Variants in NOTCH1 observed in about 807,000 individuals in gnomAD.
The protein encoded by NOTCH1 is neurogenic locus notch homolog protein 1.
Under a neutral mutation model 254.8 loss-of-function variants are expected in NOTCH1, and 37 were observed. The ratio of observed to expected loss-of-function variants is 0.15; its 90% CI spans 0.11 to 0.19. The LOEUF (loss-of-function observed/expected upper bound fraction) is 0.19, where lower values mean the gene tolerates loss of function less well. NOTCH1 is among the 10% of genes least tolerant of loss of function. The pLI is 1.00. For synonymous variants in NOTCH1, 1,731 were observed against 1,618.1 expected (o/e 1.07, Z -1.68); for missense variants, 2,972 against 3,708.6 (o/e 0.80, Z 5.16).
chr9:136,509,607 A>G (rs1044862355), intron 18 of NOTCH1, 126 bp downstream of exon 18: 1 of 808,844 alleles, frequency 1.2e-6, no homozygotes, highest in Non-Finnish European at 2.1e-6. Context: ...GTCTGGACTC[A>G]ATGCAGCCAG....
rs1843082260 is a variant in NOTCH1 at position 136,506,224 on chromosome 9, G to A, written c.4014+303C>T. On this transcript the variant is annotated intron_variant, in intron 24 of 33. Transcript: ENST00000651671. This position sits in a 1 kb window ranked among gnomAD's most constrained non-coding sequence, Gnocchi z 4.5. Reference sequence around the variant, plus strand: ...AAGGGCAAGCCCCAGGTACAGGAAGGGCTGCTGTTGGTAACAATGTATCAC... The same window carrying A: ...AAGGGCAAGCCCCAGGTACAGGAAGAGCTGCTGTTGGTAACAATGTATCAC... Among the ~76,000 whole-genome samples the A allele has an allele frequency of 6.6e-6, 1 of 152,112 alleles. No homozygotes were observed. The highest frequency in any genetic ancestry group is 1.9e-4 in the East Asian group (1 of 5,190).
rs1238379574 is a variant in NOTCH1 at position 136,523,892 on chromosome 9, C to G, written c.228G>C (p.Val76=). Residue 76 remains valine (V), a synonymous_variant, in exon 3 of 34, where the codon GTG becomes GTC. Coordinates refer to ENST00000651671, the MANE Select transcript of NOTCH1 (RefSeq NM_017617.5). ...TPCKNAGTCH[V]VDRRGVADYA... is the part of the protein sequence containing the mutation. ...AGTCTGCCACGCCTCTGCGGTCCAC[C>G]ACGTGGCATGTCCCGGCGTTCTTGC... 9 of 1,608,972 alleles carry G rather than the reference C, an allele frequency of 5.6e-6. No individual in the cohort carries two copies. The highest frequency in any genetic ancestry group is 4.4e-5 in the South Asian group (4 of 90,238).
At position 136,511,275 on chromosome 9, in the gene NOTCH1, C is replaced by T. The variant is rs752696927; in HGVS notation, c.2468-4G>A. ...AGCACCACCTCACACGTGGCACCTG[C>T]GGGAAGGAGACACACGTGACCCCGG... is the stretch of plus-strand genomic sequence containing the variant. On this transcript the variant is annotated splice_polypyrimidine_tract_variant and splice_region_variant and intron_variant, in intron 15 of 33. Transcript: ENST00000651671. 9 of 1,609,808 alleles carry T rather than the reference C, an allele frequency of 5.6e-6. No individual in the cohort carries two copies. Among genetic ancestry groups the T allele is most frequent in the Admixed American group, 1.7e-5 (1 of 59,832 alleles).
At chr9:136,542,166 G>C (rs543263815) in intron 2 of NOTCH1, among the ~76,000 whole-genome samples, 150 of 152,310 alleles carry the variant, frequency 9.8e-4, no homozygotes, top group African/African-American at 3.4e-3. Context: ...GGCCCAGGGA[G>C]ACCTCAGTCC....
chr9:136,518,907 GC>G, intron 5 of NOTCH1, 83 bp from the exon 6 acceptor site: 2 of 1,222,198 alleles, frequency 1.6e-6, no homozygotes, highest in Non-Finnish European at 2.4e-6. Flanking sequence ...TGGCAATGCC[GC>G]CCCCTCCAGG....
rs542458448 is a variant in NOTCH1, at chr9:136,494,640, T to C, written c.*1431A>G. The C allele has an allele frequency of 8.8e-5, 35 of 398,788 alleles. No individual in the cohort carries two copies. The highest frequency in any genetic ancestry group is 6.8e-4 in the African/African-American group (33 of 48,722). 24.7% of individuals were successfully genotyped at this position (398,788 alleles called of 1,614,324 possible). On this transcript the variant is annotated 3_prime_UTR_variant, in exon 34 of 34. Coordinates refer to ENST00000651671, the MANE Select transcript of NOTCH1 (RefSeq NM_017617.5). Reference sequence around the variant, plus strand: ...TGGGGATGGCACCACGCGGCCCCCGTAGAGCCGGGGGAGGCTGCCCTGAGG... The same window carrying C: ...TGGGGATGGCACCACGCGGCCCCCGCAGAGCCGGGGGAGGCTGCCCTGAGG...
At chr9:136,507,002 A>G (rs1461769721) in intron 22 of NOTCH1, 29 bp from the exon 23 acceptor site, 1 of 1,552,194 alleles carries the variant, frequency 6.4e-7, no homozygotes, top group Admixed American at 1.9e-5. Flanking sequence ...TCAGTGGCCC[A>G]AGCCCGCCAC....
intron 2 of NOTCH1, among the ~76,000 whole-genome samples, chr9:136,533,355 T>C (rs1034826108): frequency 3.3e-5 from 5 of 152,130 alleles, no homozygotes; most frequent in South Asian, 2.1e-4. Flanking sequence ...AAACCACACA[T>C]GTTCAACCCC....
chr9:136,522,881 G>A lies in NOTCH1; in HGVS notation c.711C>T (p.Gly237=), dbSNP rs61751557. 3.5e-3 allele frequency: 5,399 copies of A among 1,524,882 alleles called. 162 individuals carry two copies. In the African/African-American group the frequency reaches 0.061, roughly 17 times the overall value. 94.5% of individuals were successfully genotyped at this position (1,524,882 alleles called of 1,614,324 possible). A position where few individuals can be genotyped will look rare whatever the true frequency, so the allele number is the denominator to read the frequency against. Residue 237 remains glycine (G), a synonymous_variant, in exon 4 of 34, where the codon GGC becomes GGT. Coordinates refer to ENST00000651671, the MANE Select transcript of NOTCH1 (RefSeq NM_017617.5). Reference sequence around the variant, plus strand: ...GGCAGGCACACTCGTGGGTGACGTCGCCCGTGGGGCGGCAGGTGCCCCCGT... The same window carrying A: ...GGCAGGCACACTCGTGGGTGACGTCACCCGTGGGGCGGCAGGTGCCCCCGT... ...CQNGGTCRPT[G]DVTHECACLP...
chr9:136,523,941 G>A lies in NOTCH1; in HGVS notation c.179C>T (p.Pro60Leu), dbSNP rs2133379729. Reference sequence around the variant, plus strand: ...GCAGGGGGTGCTGAGGCACGGGTTGGGGTCCTGGCATCGCGGGCCCACGAA... The same window carrying A: ...GCAGGGGGTGCTGAGGCACGGGTTGAGGTCCTGGCATCGCGGGCCCACGAA... ...GAFVGPRCQD[P>L]NPCLSTPCKN... is the part of the protein sequence containing the mutation. The change falls in exon 3 of 34, where the codon CCC becomes CTC. Residue 60 changes from proline (P) to leucine (L), a missense_variant. Around this residue, in one of 8 missense-constraint regions of NOTCH1, gnomAD observed 374 missense variants for 496.3 expected, o/e 0.75. Transcript: ENST00000651671. The A allele has an allele frequency of 1.3e-6, 2 of 1,582,922 alleles. No homozygotes were observed. The highest frequency in any genetic ancestry group is 1.7e-6 in the Non-Finnish European group (2 of 1,164,578).
intron 2 of NOTCH1, among the ~76,000 whole-genome samples, chr9:136,524,861 C>A (rs1405344578): frequency 6.6e-6 from 1 of 152,080 alleles, no homozygotes; most frequent in Non-Finnish European, 1.5e-5. Context: ...TGGTCTTGAT[C>A]TCTTGACCTC....
intron 4 of NOTCH1, 190 bp downstream of exon 4, chr9:136,522,660 C>A (rs1843390699): frequency 1.6e-6 from 1 of 608,366 alleles, no homozygotes; most frequent in Non-Finnish European, 2.8e-6. Flanking sequence ...AAGCCTCCTC[C>A]CAGCGCACAC....
At chr9:136,535,526 G>A (rs1843635393) in intron 2 of NOTCH1, among the ~76,000 whole-genome samples, 1 of 84,244 alleles carries the variant, frequency 1.2e-5, no homozygotes, top group Non-Finnish European at 2.0e-5. Flanking sequence ...GTGGAGGGGG[G>A]AGCACTCAGG....
At position 136,511,683 on chromosome 9, in the gene NOTCH1, G is replaced by T. The variant is rs565008912; in HGVS notation, c.2468-412C>A. 4.0e-4 allele frequency among the ~76,000 whole-genome samples: 61 copies of T among 152,354 alleles called. No homozygotes were observed. The East Asian group carries it at 0.012, about 29-fold the overall frequency. On this transcript the variant is annotated intron_variant, in intron 15 of 33. Coordinates refer to ENST00000651671, the MANE Select transcript of NOTCH1 (RefSeq NM_017617.5). ...CCTCATCTCTGGGTGACGAGGAAAG[G>T]CCCTGGCCTGAGACCGAGGCCTGAA...
intron 12 of NOTCH1, 66 bp downstream of exon 12, chr9:136,515,224 G>A: frequency 6.7e-7 from 1 of 1,484,340 alleles, no homozygotes; most frequent in South Asian, 1.1e-5. Context: ...AGCAGCCCCA[G>A]GGCAGAGTGG....
At position 136,545,023 on chromosome 9, in the gene NOTCH1, G is replaced by C. The variant is rs939936056; in HGVS notation, c.61+703C>G. On this transcript the variant is annotated intron_variant, in intron 1 of 33. Coordinates refer to ENST00000651671, the MANE Select transcript of NOTCH1 (RefSeq NM_017617.5). The surrounding 1 kb of genome is among the most constrained non-coding windows in gnomAD (Gnocchi z 6.8). ...CGATTCCCCAGAGACCCCGCTCGCTGTGCGGCGGGGAGAAATGTAAGAGCC... is the reference window on the plus strand; with the variant it reads ...CGATTCCCCAGAGACCCCGCTCGCTCTGCGGCGGGGAGAAATGTAAGAGCC... 3.9e-5 allele frequency among the ~76,000 whole-genome samples: 6 copies of C among 152,174 alleles called. No individual in the cohort carries two copies. The highest frequency in any genetic ancestry group is 1.4e-4 in the African/African-American group (6 of 41,454).
intron 21 of NOTCH1, 56 bp from the exon 22 acceptor site, chr9:136,507,493 G>T: frequency 6.4e-7 from 1 of 1,559,576 alleles, no homozygotes; most frequent in Non-Finnish European, 8.7e-7. Context: ...AGGATGCAGT[G>T]CTCCCACACC....
chr9:136,542,852 ACCT>A (rs1000715695), intron 2 of NOTCH1: 1 of 151,750 alleles, frequency 6.6e-6, no homozygotes, highest in Non-Finnish European at 1.5e-5. Context: ...GACACCAAAC[ACCT>A]CCTCATTATT....
intron 2 of NOTCH1, among the ~76,000 whole-genome samples, chr9:136,532,556 G>C (rs759024767): frequency 6.6e-6 from 1 of 152,142 alleles, no homozygotes; most frequent in African/African-American, 2.4e-5. Context: ...ACACATCCCC[G>C]GGGGAGCCGG....
Sources: gnomAD v4.1 joint callset for allele counts (sites outside exome capture counted in the v4.1 genomes callset) on GRCh38, gnomAD v4.1.1 for gene constraint, gnomAD v4.1.1 regional missense constraint, Gnocchi (gnomAD v3.1) non-coding constraint, MANE v1.5 for transcripts, NCBI Gene and HGNC (gene_info 2026-07-23, HGNC 2026-07-21) for gene names.